NUP35: variants seen among roughly 807,000 people sequenced by gnomAD.
The protein encoded by NUP35 is nucleoporin 35.
A neutral mutation model predicts 41.5 loss-of-function variants in NUP35; 25 were observed. That is an observed-to-expected ratio of 0.60 (90% confidence interval 0.44 to 0.84). The LOEUF (loss-of-function observed/expected upper bound fraction) is 0.84, where lower values mean the gene tolerates loss of function less well. Ranked by LOEUF, NUP35 falls within the 40% of genes least tolerant of loss-of-function variation. NUP35 has a pLI of 0.00. For missense variants in NUP35, 396 were observed against 396.6 expected (o/e 1.00, Z 0.01); for synonymous variants, 149 against 130.7 (o/e 1.14, Z -0.96).
At chr2:183,135,669 C>T (rs971999502) in intron 4 of NUP35, among the ~76,000 whole-genome samples, 1 of 152,050 alleles carries the variant, frequency 6.6e-6, no homozygotes, top group Non-Finnish European at 1.5e-5. Context: ...AATACAATAA[C>T]AGGGAAAGAT....
rs142343462 is a variant in NUP35, at chr2:183,158,318, T to C, written c.645T>C (p.Tyr215=). 7.6e-5 allele frequency: 122 copies of C among 1,604,606 alleles called. No homozygotes were observed. The highest frequency in any genetic ancestry group is 8.3e-5 in the Non-Finnish European group (98 of 1,174,536). The part of the protein sequence containing the change: ...SNTGNWMHIR[Y]QSKLQARKAL... ...CAGGAAATTGGATGCATATTCGTTA[T>C]CAATCTAAACTGCAGGCTCGGAAAG... Residue 215 remains tyrosine (Y), a synonymous_variant, in exon 7 of 9, where the codon TAT becomes TAC. Coordinates refer to ENST00000295119, the MANE Select transcript of NUP35 (RefSeq NM_138285.5).
In NUP35 at chr2:183,130,411, A is replaced by G. The variant is rs1328011412; in HGVS notation, c.212-7A>G. On this transcript the variant is annotated splice_region_variant and splice_polypyrimidine_tract_variant and intron_variant, in intron 2 of 8. Coordinates refer to ENST00000295119, the MANE Select transcript of NUP35 (RefSeq NM_138285.5). ...CCTTTTTTTTTTTTTTTTTTTGTAC[A>G]CTGTAGGTGGGTCACCACCACAACC... The G allele has an allele frequency of 2.1e-6, 3 of 1,406,914 alleles. No individual in the cohort carries two copies. In the African/African-American group the frequency reaches 5.1e-5, roughly 24 times the overall value. The allele number at this position is 1,406,914 out of a possible 1,614,324, so 87.2% of individuals were successfully genotyped here.
chr2:183,133,638 CTTT>C lies in NUP35; in HGVS notation c.397+30_397+32del, dbSNP rs34264626. On this transcript the variant is annotated intron_variant, in intron 4 of 8. Coordinates refer to ENST00000295119, the MANE Select transcript of NUP35 (RefSeq NM_138285.5). ...TCCTGGAACAGGTAAGTGATTCTTT[CTTT>C]TTTTTTTTTTTTTTAAAAGACAGGG... The C allele has an allele frequency of 4.7e-3, 6,221 of 1,326,844 alleles. No individual in the cohort carries two copies. The highest frequency in any genetic ancestry group is 7.6e-3 in the Admixed American group (275 of 36,318). The allele number at this position is 1,326,844 out of a possible 1,614,324, so 82.2% of individuals were successfully genotyped here.
At chr2:183,143,678 A>G (rs1685179868) in intron 4 of NUP35, among the ~76,000 whole-genome samples, 2 of 152,130 alleles carry the variant, frequency 1.3e-5, no homozygotes, top group Admixed American at 1.3e-4. Flanking sequence ...GCTGCCTGGG[A>G]TAAGGAGAGG....
At chr2:183,124,251 C>T, upstream of NUP35, 3 of 1,320,286 alleles carry the variant, frequency 2.3e-6, no homozygotes, top group South Asian at 5.2e-5. Flanking sequence ...GCCACCTTCC[C>T]GGTGCAAAAA....
chr2:183,136,707 C>T (rs2105563789), intron 4 of NUP35, among the ~76,000 whole-genome samples: 1 of 152,214 alleles, frequency 6.6e-6, no homozygotes, highest in Non-Finnish European at 1.5e-5. Flanking sequence ...GAGTAGTAAC[C>T]CTAAGTTCAT....
intron 4 of NUP35, 43 bp downstream of exon 4, chr2:183,133,666 G>T (rs758871090): frequency 2.8e-6 from 4 of 1,436,608 alleles, no homozygotes; most frequent in African/African-American, 1.5e-5. Flanking sequence ...AAAAGACAGG[G>T]TCTGGCTCTG....
intron 4 of NUP35, among the ~76,000 whole-genome samples, chr2:183,134,902 G>C (rs1180961871): frequency 1.3e-5 from 2 of 151,912 alleles, no homozygotes; most frequent in African/African-American, 4.8e-5. Context: ...GGGATTAAAG[G>C]CTTGAGCCAC....
upstream of NUP35, chr2:183,124,301 ATT>A (rs1323287414): frequency 6.7e-7 from 1 of 1,493,722 alleles, no homozygotes; most frequent in Non-Finnish European, 8.9e-7. Context: ...ACTTTGCCCT[ATT>A]CCAAAATGGC....
intron 4 of NUP35, among the ~76,000 whole-genome samples, chr2:183,135,995 A>G (rs1684862865): frequency 6.6e-6 from 1 of 152,254 alleles, no homozygotes; most frequent in Non-Finnish European, 1.5e-5. Context: ...GGAACACCCA[A>G]TACAAATTGG....
In NUP35 at chr2:183,158,343, G is replaced by T; in HGVS notation, c.670G>T (p.Ala224Ser). 6.2e-7 allele frequency: 1 copy of T among 1,609,574 alleles called. No homozygotes were observed. The highest frequency in any genetic ancestry group is 1.3e-5 in the African/African-American group (1 of 74,980). The change falls in exon 7 of 9, where the codon GCC (alanine) becomes TCC (serine). Residue 224 changes from alanine to serine, a missense_variant. Transcript: ENST00000295119. ...TCAATCTAAACTGCAGGCTCGGAAA[G>T]CCTTAAGCAAAGATGGGAGGATTTT... Reference protein sequence around the residue: ...RYQSKLQARKALSKDGRIFGE... With the variant: ...RYQSKLQARKSLSKDGRIFGE...
chr2:183,138,389 A>G (rs938364948), intron 4 of NUP35, among the ~76,000 whole-genome samples: 1 of 151,260 alleles, frequency 6.6e-6, no homozygotes, highest in Non-Finnish European at 1.5e-5. Flanking sequence ...ATATAATGGC[A>G]TGACTGCCAC....
At chr2:183,138,265 A>ATTT (rs1167656474) in intron 4 of NUP35, among the ~76,000 whole-genome samples, 20,163 of 66,600 alleles carry the variant, frequency 0.3, 2,203 homozygotes, top group Non-Finnish European at 0.36. Flanking sequence ...ATATATATAT[A>ATTT]TATATTTTTT....
At chr2:183,142,880 G>A (rs536269359) in intron 4 of NUP35, among the ~76,000 whole-genome samples, 51 of 151,752 alleles carry the variant, frequency 3.4e-4, no homozygotes, top group Non-Finnish European at 5.7e-4. Context: ...CTCTCAGCTG[G>A]GCACGGTGGC....
intron 2 of NUP35, 85 bp downstream of exon 2, chr2:183,128,542 G>A: frequency 2.3e-6 from 2 of 855,488 alleles, no homozygotes; most frequent in Non-Finnish European, 3.4e-6. Context: ...CACATTGGAA[G>A]AAGAATTGAC....
intron 1 of NUP35, chr2:183,118,647 G>A (rs938118736): frequency 1.3e-5 from 2 of 152,134 alleles, no homozygotes; most frequent in Non-Finnish European, 2.9e-5. Flanking sequence ...AAATCCATAC[G>A]GGTCTGCAAC....
intron 4 of NUP35, among the ~76,000 whole-genome samples, chr2:183,147,172 A>C (rs1303331279): frequency 6.6e-6 from 1 of 151,994 alleles, no homozygotes; most frequent in Non-Finnish European, 1.5e-5. Context: ...TTCTTTTGAT[A>C]GTTTCTTTTG....
chr2:183,154,414 C>G (rs961876668), intron 5 of NUP35, among the ~76,000 whole-genome samples: 1 of 152,186 alleles, frequency 6.6e-6, no homozygotes, highest in African/African-American at 2.4e-5. Flanking sequence ...TTTAATAGCA[C>G]TCAAGTCACC....
intron 3 of NUP35, chr2:183,130,894 T>TA: frequency 1.0e-6 from 1 of 957,344 alleles, no homozygotes; most frequent in Non-Finnish European, 1.3e-6. Flanking sequence ...ATTTAAAAAT[T>TA]ATGTGAAAGA....
Sources: gnomAD v4.1 joint callset for allele counts (sites outside exome capture counted in the v4.1 genomes callset) on GRCh38, gnomAD v4.1.1 for gene constraint, MANE v1.5 for transcripts, NCBI Gene and HGNC (gene_info 2026-07-23, HGNC 2026-07-21) for gene names.